The following BACH2 variants were observed in gnomAD, a reference collection of about 807,000 sequenced individuals.
BACH2 encodes transcription regulator protein BACH2.
A neutral mutation model predicts 61.8 loss-of-function variants in BACH2; 5 were observed. That is an observed-to-expected ratio of 0.08 (90% CI 0.04 to 0.17). BACH2 has a LOEUF of 0.17. BACH2 is among the 10% of genes least tolerant of loss of function. The pLI is 1.00. For missense variants in BACH2, 824 were observed against 1,091.1 expected, an observed-to-expected ratio of 0.76 and a Z score of 3.45; for synonymous variants, 446 against 440.1, an observed-to-expected ratio of 1.01 and a Z score of -0.17.
intron 5 of BACH2, among the ~76,000 whole-genome samples, chr6:90,032,674 T>C (rs576638559): frequency 2.0e-5 from 3 of 152,060 alleles, no homozygotes; most frequent in Non-Finnish European, 2.9e-5. Context: ...CTCACATTGG[T>C]TAGAATGGCC....
At chr6:90,247,246 C>CTTTTTT (rs1269813491) in intron 3 of BACH2, among the ~76,000 whole-genome samples, 1 of 141,152 alleles carries the variant, frequency 7.1e-6, no homozygotes, top group East Asian at 2.0e-4. Flanking sequence ...TCTTCTTCTT[C>CTTTTTT]TTTTTTTTTT....
At chr6:90,038,205 A>T (rs1472825861) in intron 5 of BACH2, among the ~76,000 whole-genome samples, 1 of 152,198 alleles carries the variant, frequency 6.6e-6, no homozygotes, top group Non-Finnish European at 1.5e-5. Flanking sequence ...CATGCAGAAA[A>T]GTATACCAAC....
At chr6:90,145,562 A>G (rs1006705355) in intron 4 of BACH2, among the ~76,000 whole-genome samples, 5 of 152,244 alleles carry the variant, frequency 3.3e-5, no homozygotes, top group African/African-American at 1.2e-4. Context: ...AAGCTCTCCC[A>G]GAATGATGGA....
chr6:90,242,585 C>T (rs1462292523), intron 3 of BACH2, among the ~76,000 whole-genome samples: 1 of 152,216 alleles, frequency 6.6e-6, no homozygotes, highest in Non-Finnish European at 1.5e-5. Context: ...ATTTTCAACT[C>T]ATTTGGGTAA....
At chr6:90,202,397 A>T (rs1287399326) in intron 4 of BACH2, among the ~76,000 whole-genome samples, 1 of 152,202 alleles carries the variant, frequency 6.6e-6, no homozygotes, top group Non-Finnish European at 1.5e-5. Context: ...CTGGGACAGT[A>T]GGATGTGGTG....
At chr6:90,179,178 A>G (rs1409968159) in intron 4 of BACH2, among the ~76,000 whole-genome samples, 2 of 152,164 alleles carry the variant, frequency 1.3e-5, no homozygotes, top group Non-Finnish European at 2.9e-5. Flanking sequence ...TGTGCATTAC[A>G]ACCCTTGGGA....
chr6:90,140,738 G>T (rs528160518), intron 4 of BACH2, among the ~76,000 whole-genome samples: 1 of 152,294 alleles, frequency 6.6e-6, no homozygotes, highest in East Asian at 1.9e-4. Flanking sequence ...AAATGATCAT[G>T]CTAAAGAGTT....
At chr6:90,071,942 G>C (rs1009209160) in intron 5 of BACH2, among the ~76,000 whole-genome samples, 6 of 152,092 alleles carry the variant, frequency 3.9e-5, no homozygotes, top group African/African-American at 1.4e-4. Flanking sequence ...TTCACATTGA[G>C]CAGACTGAGG....
intron 5 of BACH2, among the ~76,000 whole-genome samples, chr6:90,066,028 C>A (rs984540125): frequency 6.6e-6 from 1 of 152,206 alleles, no homozygotes; most frequent in African/African-American, 2.4e-5. Flanking sequence ...TTCCTTTTCA[C>A]TGCCCTTCTT....
intron 6 of BACH2, among the ~76,000 whole-genome samples, chr6:89,986,037 G>A (rs536050136): frequency 1.3e-5 from 2 of 152,306 alleles, no homozygotes; most frequent in South Asian, 4.1e-4. Flanking sequence ...GCTTTCTTAA[G>A]CCTTGCATCT....
chr6:90,280,610 G>A (rs1454950383), intron 1 of BACH2, among the ~76,000 whole-genome samples: 1 of 152,170 alleles, frequency 6.6e-6, no homozygotes, highest in Admixed American at 6.5e-5. Context: ...TGATGTTTAT[G>A]TGAGACCCCA....
chr6:90,185,363 A>G (rs1052785509), intron 4 of BACH2, among the ~76,000 whole-genome samples: 8 of 152,192 alleles, frequency 5.3e-5, no homozygotes, highest in African/African-American at 1.9e-4. Flanking sequence ...AAATCACTAA[A>G]ATGGTGTTTT....
chr6:89,994,908 G>A (rs1040694282), intron 6 of BACH2, among the ~76,000 whole-genome samples: 2 of 152,112 alleles, frequency 1.3e-5, no homozygotes, highest in African/African-American at 4.8e-5. Flanking sequence ...CGTTCTCATG[G>A]CTCTTCGTAT....
intron 5 of BACH2, among the ~76,000 whole-genome samples, chr6:90,038,476 A>G (rs555700309): frequency 1.3e-5 from 2 of 152,206 alleles, no homozygotes; most frequent in Non-Finnish European, 2.9e-5. Flanking sequence ...GTTGTTGTGT[A>G]TAAGAGTGGT....
chr6:90,092,731 G>C (rs964998632), intron 4 of BACH2, among the ~76,000 whole-genome samples: 2 of 152,162 alleles, frequency 1.3e-5, no homozygotes, highest in Non-Finnish European at 2.9e-5. Context: ...AAAGTACTAA[G>C]TTAGAAGATC....
At chr6:90,202,184 G>A (rs1388647758) in intron 4 of BACH2, among the ~76,000 whole-genome samples, 5 of 152,172 alleles carry the variant, frequency 3.3e-5, no homozygotes, top group Admixed American at 1.3e-4. Flanking sequence ...TGTTGGAGCT[G>A]ATGTTTTACC....
chr6:90,040,065 G>A (rs1164075851), intron 5 of BACH2, among the ~76,000 whole-genome samples: 1 of 146,060 alleles, frequency 6.8e-6, no homozygotes, highest in Non-Finnish European at 1.5e-5. Flanking sequence ...GGTATTTGCT[G>A]CTCAGAAATT....
intron 4 of BACH2, among the ~76,000 whole-genome samples, chr6:90,118,873 C>T (rs117554453): frequency 1.3e-5 from 2 of 152,280 alleles, no homozygotes; most frequent in East Asian, 3.9e-4. Flanking sequence ...TAAGCTCTGC[C>T]ATTCACTACC....
intron 3 of BACH2, among the ~76,000 whole-genome samples, chr6:90,237,244 C>G (rs1770290089): frequency 6.6e-6 from 1 of 152,106 alleles, no homozygotes; most frequent in African/African-American, 2.4e-5. Flanking sequence ...TTTTAGAAAT[C>G]TGGGAGAGCT....
Sources: allele counts gnomAD v4.1 joint callset (sites outside exome capture counted in the v4.1 genomes callset), GRCh38; gene constraint gnomAD v4.1.1; transcripts MANE v1.5; gene names NCBI Gene and HGNC (gene_info 2026-07-23, HGNC 2026-07-21).